MARK1: variants seen among roughly 807,000 people sequenced by gnomAD.
MARK1 encodes microtubule affinity regulating kinase 1, also known as serine/threonine-protein kinase MARK1.
In MARK1, 40 loss-of-function variants were observed where a neutral mutation model predicts 96.3. The observed-to-expected ratio is 0.42, with a 90% confidence interval of 0.32 to 0.54. The LOEUF (loss-of-function observed/expected upper bound fraction) is 0.54. Ranked by LOEUF, MARK1 falls within the 20% of genes least tolerant of loss-of-function variation. The pLI, the probability that MARK1 is intolerant of heterozygous loss-of-function variation, is 0.16. For missense variants in MARK1, 719 were observed against 984.6 expected (o/e 0.73, Z 3.61); for synonymous variants, 317 against 341.2 (o/e 0.93, Z 0.78).
chr1:220,555,026 G>A (rs1423822556), intron 1 of MARK1, among the ~76,000 whole-genome samples: 2 of 152,212 alleles, frequency 1.3e-5, no homozygotes, highest in African/African-American at 4.8e-5. Flanking sequence ...TGTGTAGGCT[G>A]TAGCAGATGC....
At position 220,571,013 on chromosome 1, in the gene MARK1, A is replaced by T. The variant is rs58885712; in HGVS notation, c.52-8341A>T. ...TTATGTTTTTGTAAATAGGTATGTG[A>T]CTGTCTTATCAAATTTATTGACATC... On this transcript the variant is annotated intron_variant, in intron 1 of 17. Transcript: ENST00000366917. 3.7e-3 allele frequency among the ~76,000 whole-genome samples: 563 copies of T among 152,274 alleles called. 6 individuals carry two copies. Among genetic ancestry groups the T allele is most frequent in the African/African-American group, 0.013 (532 of 41,560 alleles).
At chr1:220,545,030 T>A (rs6675368) in intron 1 of MARK1, among the ~76,000 whole-genome samples, 1 of 151,954 alleles carries the variant, frequency 6.6e-6, no homozygotes, top group East Asian at 1.9e-4. Context: ...TCCAGCTGAT[T>A]AGAACACAGA....
intron 12 of MARK1, 70 bp from the exon 13 acceptor site, chr1:220,635,763 T>G (rs1482187933): frequency 2.3e-6 from 3 of 1,315,482 alleles, no homozygotes; most frequent in African/African-American, 1.5e-5. Flanking sequence ...TAATACAGAG[T>G]TTTTGTTTGT....
chr1:220,617,125 T>C (rs1264607828), intron 7 of MARK1, among the ~76,000 whole-genome samples: 1 of 152,128 alleles, frequency 6.6e-6, no homozygotes, highest in African/African-American at 2.4e-5. Flanking sequence ...CATCAGAACA[T>C]AAAAATAACC....
At position 220,528,721 on chromosome 1, in the gene MARK1, C is replaced by T. The variant is rs892424695; in HGVS notation, c.-102C>T. On this transcript the variant is annotated 5_prime_UTR_variant, in exon 1 of 18. Transcript: ENST00000366917. ...CCGCGGCCTGCGGGAGCCGCTCGCC[C>T]CGGCCTTGTGCTCGCGTCCGCACCC... 4 of 1,110,608 alleles carry T rather than the reference C, an allele frequency of 3.6e-6. No homozygotes were observed. In the African/African-American group the frequency reaches 5.0e-5, roughly 14 times the overall value. The allele number at this position is 1,110,608 out of a possible 1,614,324, so 68.8% of individuals were successfully genotyped here. A position where few individuals can be genotyped will look rare whatever the true frequency, so the allele number is the denominator to read the frequency against.
At chr1:220,611,497 G>A (rs753358479) in intron 6 of MARK1, among the ~76,000 whole-genome samples, 11 of 152,148 alleles carry the variant, frequency 7.2e-5, no homozygotes, top group Admixed American at 2.6e-4. Flanking sequence ...CCTTTGGCTA[G>A]GAAAGGGAAA....
intron 1 of MARK1, among the ~76,000 whole-genome samples, chr1:220,556,909 G>C (rs1662303278): frequency 6.6e-6 from 1 of 152,062 alleles, no homozygotes; most frequent in Non-Finnish European, 1.5e-5. Flanking sequence ...AATAAATATG[G>C]AATACAGATA....
chr1:220,658,284 C>T (rs930602399), intron 17 of MARK1, among the ~76,000 whole-genome samples: 3 of 152,112 alleles, frequency 2.0e-5, no homozygotes, highest in African/African-American at 7.2e-5. Flanking sequence ...TCCAGGCATA[C>T]TTTTGGGGAT....
intron 13 of MARK1, 50 bp from the exon 14 acceptor site, chr1:220,650,570 T>C (rs1282853917): frequency 1.6e-6 from 2 of 1,222,310 alleles, no homozygotes; most frequent in Non-Finnish European, 2.4e-6. Flanking sequence ...TCTTTGGCTT[T>C]CCACAAATAT....
intron 9 of MARK1, among the ~76,000 whole-genome samples, chr1:220,630,641 G>T (rs1667633815): frequency 6.6e-6 from 1 of 151,972 alleles, no homozygotes; most frequent in Non-Finnish European, 1.5e-5. Context: ...AGTAAATGAT[G>T]ATTTTAAAAT....
At chr1:220,595,573 T>C (rs1157222137) in intron 3 of MARK1, among the ~76,000 whole-genome samples, 4 of 152,170 alleles carry the variant, frequency 2.6e-5, no homozygotes, top group Admixed American at 1.3e-4. Context: ...TTGAGAGTCA[T>C]GAGATAAGGC....
intron 6 of MARK1, among the ~76,000 whole-genome samples, chr1:220,611,207 A>T (rs2994526): frequency 0.94 from 142,944 of 152,226 alleles, 67,829 homozygotes; most frequent in East Asian, 1. Flanking sequence ...CAGTAGGCCT[A>T]GTTGGGCTGC....
chr1:220,661,680 C>T, intron 17 of MARK1, 132 bp from the exon 18 acceptor site: 1 of 632,096 alleles, frequency 1.6e-6, no homozygotes, highest in Non-Finnish European at 2.8e-6. Context: ...TTGCGTCCAT[C>T]TGAGGGTGGT....
At chr1:220,600,979 G>A (rs1038192570) in intron 5 of MARK1, among the ~76,000 whole-genome samples, 9 of 150,616 alleles carry the variant, frequency 6.0e-5, no homozygotes, top group South Asian at 4.2e-4. Context: ...TGCAAGCTCC[G>A]CCTCCCAAGT....
chr1:220,600,692 C>A (rs944259422), intron 5 of MARK1, among the ~76,000 whole-genome samples: 82 of 152,048 alleles, frequency 5.4e-4, no homozygotes, highest in Non-Finnish European at 4.4e-5. Context: ...AGAAAGAAGG[C>A]AGCTGAAATT....
chr1:220,567,392 A>G (rs1663131094), intron 1 of MARK1, among the ~76,000 whole-genome samples: 1 of 152,110 alleles, frequency 6.6e-6, no homozygotes, highest in Non-Finnish European at 1.5e-5. Flanking sequence ...AGTAAATACT[A>G]AAGAAGCTTC....
intron 1 of MARK1, among the ~76,000 whole-genome samples, chr1:220,576,327 A>G (rs1469155700): frequency 6.6e-6 from 1 of 151,488 alleles, no homozygotes; most frequent in Non-Finnish European, 1.5e-5. Context: ...AGTCCTTCTC[A>G]TGGTGATGGC....
chr1:220,529,035 C>T (rs1159607156), intron 1 of MARK1, among the ~76,000 whole-genome samples, 162 bp downstream of exon 1: 1 of 152,228 alleles, frequency 6.6e-6, no homozygotes, highest in South Asian at 2.1e-4. Flanking sequence ...CAGCCCTATT[C>T]TTCATTCCAA....
intron 16 of MARK1, among the ~76,000 whole-genome samples, chr1:220,655,531 C>T (rs1464124663): frequency 2.0e-5 from 3 of 151,630 alleles, no homozygotes; most frequent in African/African-American, 7.3e-5. Context: ...GACCATAAGC[C>T]TTGGAGTTAT....
Sources: gnomAD v4.1 joint callset for allele counts (sites outside exome capture counted in the v4.1 genomes callset) on GRCh38, gnomAD v4.1.1 for gene constraint, MANE v1.5 for transcripts, NCBI Gene and HGNC (gene_info 2026-07-23, HGNC 2026-07-21) for gene names.